The following ANK3 variants were observed in gnomAD, a reference collection of about 807,000 sequenced individuals.
The protein encoded by ANK3 is ankyrin-3.
ANK3 carries 57 observed loss-of-function variants against 370.9 expected under a neutral mutation model. The ratio of observed to expected loss-of-function variants is 0.15; its 90% CI spans 0.12 to 0.19. The LOEUF (loss-of-function observed/expected upper bound fraction) is 0.19. ANK3 is among the 10% of genes least tolerant of loss of function. The pLI is 1.00. For missense variants in ANK3, 4,439 were observed against 5,302.1 expected, an observed-to-expected ratio of 0.84 and a Z score of 5.06; for synonymous variants, 1,929 against 1,946.3, an observed-to-expected ratio of 0.99 and a Z score of 0.23.
intron 25 of ANK3, among the ~76,000 whole-genome samples, chr10:60,115,793 T>C (rs762575319): frequency 3.3e-5 from 5 of 152,028 alleles, no homozygotes; most frequent in East Asian, 1.9e-4. Context: ...ATGTGGAACA[T>C]TGAGAGATTT....
At chr10:60,080,418 C>CA (rs1423364553) in intron 36 of ANK3, 119 bp downstream of exon 36, 2 of 852,170 alleles carry the variant, frequency 2.3e-6, no homozygotes. Context: ...ACAGGGTTTT[C>CA]CTGCAGGCAA....
At chr10:60,347,806 C>T (rs1381754245) in intron 1 of ANK3, among the ~76,000 whole-genome samples, 3 of 152,082 alleles carry the variant, frequency 2.0e-5, no homozygotes, top group African/African-American at 7.2e-5. Context: ...TGGGACTCAC[C>T]CCCTGAGAAT....
At chr10:60,353,833 C>T (rs951404117) in intron 1 of ANK3, among the ~76,000 whole-genome samples, 18 of 152,260 alleles carry the variant, frequency 1.2e-4, no homozygotes, top group Non-Finnish European at 2.4e-4. Context: ...TGACTCAATT[C>T]TCTTAGGATT....
chr10:60,461,233 T>C (rs1040653867), intron 2 of ANK3, among the ~76,000 whole-genome samples: 2 of 152,276 alleles, frequency 1.3e-5, no homozygotes, highest in South Asian at 2.1e-4. Flanking sequence ...GTATTAGATC[T>C]GAAGAGAAAA....
intron 1 of ANK3, among the ~76,000 whole-genome samples, chr10:60,334,096 A>G (rs1419671870): frequency 6.6e-6 from 1 of 152,184 alleles, no homozygotes; most frequent in African/African-American, 2.4e-5. Context: ...AGGTGATGGC[A>G]ATTGGGTAAT....
chr10:60,552,752 T>G (rs1192347466), intron 2 of ANK3, among the ~76,000 whole-genome samples: 1 of 152,212 alleles, frequency 6.6e-6, no homozygotes, highest in Non-Finnish European at 1.5e-5. Context: ...GGCTTGGCTA[T>G]GTCCCCACCA....
intron 42 of ANK3, among the ~76,000 whole-genome samples, chr10:60,049,168 T>C (rs1469433249): frequency 6.6e-6 from 1 of 152,236 alleles, no homozygotes; most frequent in East Asian, 1.9e-4. Flanking sequence ...GGTTTTTCCA[T>C]CTCATATGAA....
At chr10:60,170,366 C>T (rs371579398) in intron 21 of ANK3, among the ~76,000 whole-genome samples, 1 of 152,268 alleles carries the variant, frequency 6.6e-6, no homozygotes, top group African/African-American at 2.4e-5. Context: ...GTGGTGGAGG[C>T]TGAGCTAGAG....
Position 60,075,018 on chromosome 10 carries a change from A to C in ANK3, c.5863T>G (p.Leu1955Val). The change falls in exon 37 of 44, where the codon TTA becomes GTA. Residue 1955 changes from leucine to valine, a missense_variant. Physicochemically the swap from Leu to Val is conservative, Grantham distance 32. This residue lies in a region of ANK3 where 679 missense variants were observed against 791.0 expected (regional missense o/e 0.86). Transcript: ENST00000280772. ...FKIVEKVKED[L>V]VKVSEILKKD... ...TTAAGGATTTCACTAACTTTCACTA[A>C]GTCTTCCTTTACTTTCTCTACAATT... 1 of 1,613,966 alleles carries C rather than the reference A, an allele frequency of 6.2e-7. No individual in the cohort carries two copies. Among genetic ancestry groups the C allele is most frequent in the Non-Finnish European group, 8.5e-7 (1 of 1,179,980 alleles).
intron 1 of ANK3, among the ~76,000 whole-genome samples, chr10:60,732,278 C>A (rs2080033778): frequency 1.3e-5 from 2 of 152,190 alleles, no homozygotes; most frequent in Admixed American, 6.5e-5. Context: ...CTTCCCGGGA[C>A]GACTACTGTT....
chr10:60,108,689 T>C (rs1379926734), intron 27 of ANK3, 141 bp downstream of exon 27: 1 of 694,620 alleles, frequency 1.4e-6, no homozygotes, highest in Non-Finnish European at 2.4e-6. Context: ...CACAGCTTTG[T>C]GACCTTTGAC....
chr10:60,498,138 T>C (rs568140078), intron 2 of ANK3, among the ~76,000 whole-genome samples: 49 of 152,282 alleles, frequency 3.2e-4, no homozygotes, highest in African/African-American at 1.1e-3. Flanking sequence ...TTTTTCTCCT[T>C]TCTGTCTTTG....
In ANK3 at chr10:60,070,811, T is replaced by C. The variant is rs1287637905; in HGVS notation, c.10070A>G (p.Gln3357Arg). Residue 3357 changes from glutamine to arginine, a missense_variant, in exon 37 of 44, where the codon CAG (glutamine) becomes CGG (arginine). By Grantham distance (43) the Gln-to-Arg change is conservative. Coordinates refer to ENST00000280772, the MANE Select transcript of ANK3 (RefSeq NM_020987.5). The surrounding 1 kb of genome is among the most constrained non-coding windows in gnomAD (Gnocchi z 5.7). Reference sequence around the variant, plus strand: ...AGATCCATTACTTTCCAGTTCTTTCTGGTTGGAAGCCTTTTCAGCAGAAGC... The same window carrying C: ...AGATCCATTACTTTCCAGTTCTTTCCGGTTGGAAGCCTTTTCAGCAGAAGC... ...PKASAEKASNQKELESNGSGK... is the reference protein window; with the variant it reads ...PKASAEKASNRKELESNGSGK... 6.2e-7 allele frequency: 1 copy of C among 1,614,184 alleles called. No individual in the cohort carries two copies. Among genetic ancestry groups the C allele is most frequent in the South Asian group, 1.1e-5 (1 of 91,080 alleles).
At chr10:60,196,472 G>T (rs2096587027) in intron 15 of ANK3, 55 bp downstream of exon 15, 2 of 1,195,228 alleles carry the variant, frequency 1.7e-6, no homozygotes, top group East Asian at 4.7e-5. Flanking sequence ...ATTAGCAAGG[G>T]TGTATTTTGT....
intron 2 of ANK3, among the ~76,000 whole-genome samples, chr10:60,568,223 T>C (rs945660050): frequency 6.6e-6 from 1 of 152,158 alleles, no homozygotes; most frequent in Non-Finnish European, 1.5e-5. Context: ...AACGAAGAGT[T>C]TGTCAATGTG....
At chr10:60,333,472 C>T (rs1163557532) in intron 1 of ANK3, among the ~76,000 whole-genome samples, 3 of 152,170 alleles carry the variant, frequency 2.0e-5, no homozygotes, top group Non-Finnish European at 4.4e-5. Flanking sequence ...CTGCAAAGGA[C>T]ATGAACTCAT....
intron 1 of ANK3, among the ~76,000 whole-genome samples, chr10:60,636,054 T>A (rs1310861085): frequency 1.3e-5 from 2 of 152,158 alleles, no homozygotes; most frequent in African/African-American, 4.8e-5. Context: ...GCTTAGAAAT[T>A]AAGTTGACAC....
chr10:60,362,610 T>TA (rs1220861907), intron 1 of ANK3, among the ~76,000 whole-genome samples: 2 of 152,170 alleles, frequency 1.3e-5, no homozygotes, highest in Non-Finnish European at 2.9e-5. Flanking sequence ...GGCTGTGGTT[T>TA]TGCATTTCAT....
intron 2 of ANK3, among the ~76,000 whole-genome samples, chr10:60,492,723 AAG>A (rs1371957463): frequency 0.013 from 1,770 of 139,530 alleles, 83 homozygotes; most frequent in African/African-American, 0.046. Context: ...AAAAAAAAAA[AAG>A]AAAGAAAGAA....
Sources: allele counts gnomAD v4.1 joint callset (sites outside exome capture counted in the v4.1 genomes callset), GRCh38; gene constraint gnomAD v4.1.1; regional missense constraint gnomAD v4.1.1; non-coding constraint Gnocchi (gnomAD v3.1); transcripts MANE v1.5; gene names NCBI Gene and HGNC (gene_info 2026-07-23, HGNC 2026-07-21).